FERRY3: variants seen among roughly 807,000 people sequenced by gnomAD.
FERRY3 encodes the protein protein C12orf4.
chr12:4,533,840 T>A, the FERRY3 span, among the ~76,000 whole-genome samples: 397 of 152,328 alleles, frequency 2.6e-3, 1 homozygote, highest in Non-Finnish European at 4.7e-3. Flanking sequence ...TATGTTGATA[T>A]ACTAAAAAAT....
the FERRY3 span, among the ~76,000 whole-genome samples, chr12:4,495,492 C>CA: frequency 4.9e-4 from 74 of 152,120 alleles, no homozygotes; most frequent in Admixed American, 3.9e-4. Context: ...GTCTAAGCAC[C>CA]ACTAGTCACA....
chr12:4,533,140 T>C, the FERRY3 span, among the ~76,000 whole-genome samples: 1 of 152,344 alleles, frequency 6.6e-6, no homozygotes, highest in African/African-American at 2.4e-5. Flanking sequence ...GCTACCAAAT[T>C]AATAAAATTA....
At chr12:4,517,200 C>A in the FERRY3 span, 9 of 1,519,488 alleles carry the variant, frequency 5.9e-6, no homozygotes, top group Admixed American at 4.1e-5. Context: ...CTAAGGGACC[C>A]AAAACATTTA....
At chr12:4,506,564 G>A in the FERRY3 span, among the ~76,000 whole-genome samples, 1 of 152,054 alleles carries the variant, frequency 6.6e-6, no homozygotes, top group Non-Finnish European at 1.5e-5. Flanking sequence ...AGATTATAAG[G>A]AACAATAAAG....
At chr12:4,538,279 T>C in the FERRY3 span, 1 of 152,886 alleles carries the variant, frequency 6.5e-6, no homozygotes, top group Non-Finnish European at 1.5e-5. Context: ...GCGGAGGCTC[T>C]GAGGCTCACA....
At chr12:4,522,687 A>G in the FERRY3 span, among the ~76,000 whole-genome samples, 1 of 152,256 alleles carries the variant, frequency 6.6e-6, no homozygotes, top group Admixed American at 6.5e-5. Flanking sequence ...CATATTTATG[A>G]AAGAGAAATC....
chr12:4,518,858 T>C, the FERRY3 span: 1 of 1,582,572 alleles, frequency 6.3e-7, no homozygotes, highest in Non-Finnish European at 8.6e-7. Context: ...CTGAACTGAC[T>C]TGGCTGAACT....
chr12:4,511,254 C>CCTTG, the FERRY3 span, among the ~76,000 whole-genome samples: 4 of 151,378 alleles, frequency 2.6e-5, no homozygotes, highest in African/African-American at 9.7e-5. Context: ...TCCTGAGTGA[C>CCTTG]CTACAAAGAG....
the FERRY3 span, chr12:4,525,507 C>T: frequency 6.2e-7 from 1 of 1,612,800 alleles, no homozygotes; most frequent in Non-Finnish European, 8.5e-7. Context: ...AAATGCTGAG[C>T]AGCCAGTGAA....
the FERRY3 span, among the ~76,000 whole-genome samples, chr12:4,498,129 G>GT: frequency 6.6e-6 from 1 of 152,196 alleles, no homozygotes; most frequent in African/African-American, 2.4e-5. Context: ...TGTAACTTTT[G>GT]TAACATTGTG....
chr12:4,518,335 C>T, the FERRY3 span: 2 of 1,271,182 alleles, frequency 1.6e-6, no homozygotes, highest in South Asian at 1.3e-5. Flanking sequence ...ATCTCTATGG[C>T]AAGAATCCAG....
the FERRY3 span, among the ~76,000 whole-genome samples, chr12:4,534,969 TTACTG>T: frequency 1.3e-5 from 2 of 152,172 alleles, no homozygotes; most frequent in Admixed American, 1.3e-4. Flanking sequence ...GGTCTGAACA[TTACTG>T]TATTTACATT....
the FERRY3 span, among the ~76,000 whole-genome samples, chr12:4,524,735 A>AAAT: frequency 1.3e-5 from 2 of 152,198 alleles, no homozygotes; most frequent in African/African-American, 4.8e-5. Flanking sequence ...GGAATATGTG[A>AAAT]AATACAATTT....
chr12:4,525,424 C>CA, the FERRY3 span: 1 of 1,597,604 alleles, frequency 6.3e-7, no homozygotes, highest in South Asian at 1.1e-5. Context: ...CAAAAACAAA[C>CA]AAACAAAAAA....
chr12:4,500,830 T>A, the FERRY3 span, among the ~76,000 whole-genome samples: 25 of 152,176 alleles, frequency 1.6e-4, no homozygotes, highest in Non-Finnish European at 2.6e-4. Flanking sequence ...TTTTTGTATT[T>A]TTAGTAGAGA....
At chr12:4,501,037 A>C in the FERRY3 span, among the ~76,000 whole-genome samples, 32 of 152,310 alleles carry the variant, frequency 2.1e-4, no homozygotes, top group African/African-American at 7.5e-4. Flanking sequence ...TTATGAGACC[A>C]ATCTGTCCAG....
the FERRY3 span, chr12:4,518,273 T>G: frequency 2.5e-6 from 4 of 1,609,298 alleles, no homozygotes; most frequent in Non-Finnish European, 3.4e-6. Flanking sequence ...TAGGCAATAG[T>G]CCAGGAAAGA....
chr12:4,506,623 T>C, the FERRY3 span, among the ~76,000 whole-genome samples: 1 of 152,184 alleles, frequency 6.6e-6, no homozygotes, highest in African/African-American at 2.4e-5. Flanking sequence ...AGAATCTCTG[T>C]TAAGTAAACG....
At chr12:4,496,050 C>CG in the FERRY3 span, among the ~76,000 whole-genome samples, 1 of 152,186 alleles carries the variant, frequency 6.6e-6, no homozygotes, top group Non-Finnish European at 1.5e-5. Flanking sequence ...AGACAGCTAC[C>CG]TGTATATGCA....
Sources: allele counts gnomAD v4.1 joint callset (sites outside exome capture counted in the v4.1 genomes callset), GRCh38; gene constraint gnomAD v4.1.1; transcripts MANE v1.5; gene names NCBI Gene and HGNC (gene_info 2026-07-23, HGNC 2026-07-21).